The following SSR2 variants were observed in gnomAD, a reference collection of about 807,000 sequenced individuals.
SSR2 encodes the protein translocon-associated protein subunit beta.
In SSR2, 16 loss-of-function variants were observed where a neutral mutation model predicts 22.6. The observed-to-expected ratio is 0.71, with a 90% CI of 0.48 to 1.08. The LOEUF (loss-of-function observed/expected upper bound fraction) is 1.08. Among genes scored for constraint, SSR2 ranks in the 50% least tolerant of loss-of-function variants. The pLI, the probability that SSR2 is intolerant of heterozygous loss-of-function variation, is 0.00. For missense variants in SSR2, 171 were observed against 221.6 expected, an observed-to-expected ratio of 0.77 and a Z score of 1.45; for synonymous variants, 83 against 91.2, an observed-to-expected ratio of 0.91 and a Z score of 0.51.
rs773535812 is a variant in SSR2, at chr1:156,009,553, G to T, written c.539C>A (p.Thr180Lys). 1 of 1,612,672 alleles carries T rather than the reference G, an allele frequency of 6.2e-7. No individual in the cohort carries two copies. Among genetic ancestry groups the T allele is most frequent in the East Asian group, 2.2e-5 (1 of 44,858 alleles). The part of the protein sequence containing the change: ...SSKRKYDTPK[T>K]KKN The stretch of plus-strand genomic sequence containing the variant: ...TGGAAGCCCCAATCAGTTCTTCTTC[G>T]TTTTGGGAGTGTCATATTTCCTCTT... Residue 180 changes from threonine (T) to lysine (K), a missense_variant, in exon 6 of 6, where the codon ACG becomes AAG. Transcript: ENST00000295702.
rs767961254 is a variant in SSR2, at chr1:156,011,792, G to A, written c.441+18C>T. The A allele has an allele frequency of 6.2e-7, 1 of 1,607,032 alleles. No homozygotes were observed. Among genetic ancestry groups the A allele is most frequent in the African/African-American group, 1.3e-5 (1 of 74,790 alleles). The stretch of plus-strand genomic sequence containing the variant: ...CTCATACCAAGGAACTGATGAGAGA[G>A]AACACTAGAAAGCTTACAAAATGAG... On this transcript the variant is annotated intron_variant, in intron 5 of 5. Coordinates refer to ENST00000295702, the MANE Select transcript of SSR2 (RefSeq NM_003145.4).
rs2102719987 is a variant in SSR2, at chr1:156,009,459, C to T, written c.*81G>A. Reference sequence around the variant, plus strand: ...AGAGAAGAGATTGCATTTAAGATACCCTTTGGAGTCTGGAAAGCACCTGGA... The same window carrying T: ...AGAGAAGAGATTGCATTTAAGATACTCTTTGGAGTCTGGAAAGCACCTGGA... On this transcript the variant is annotated 3_prime_UTR_variant, in exon 6 of 6. Transcript: ENST00000295702. 1 of 1,072,896 alleles carries T rather than the reference C, an allele frequency of 9.3e-7. No individual in the cohort carries two copies. The highest frequency in any genetic ancestry group is 2.4e-5 in the East Asian group (1 of 42,176). The allele number at this position is 1,072,896 out of a possible 1,614,324, so 66.5% of individuals were successfully genotyped here.
rs2102722794 is a variant in SSR2, at chr1:156,015,071, T to G, written c.255-2A>C. The G allele has an allele frequency of 6.2e-7, 1 of 1,612,512 alleles. No individual in the cohort carries two copies. The highest frequency in any genetic ancestry group is 8.5e-7 in the Non-Finnish European group (1 of 1,178,718). ...ACAGTGTGGGAGACATTGCTAGCAC[T>G]GGCTCAAGAGTTAAGGAACGGAAAG... On this transcript the variant is annotated splice_acceptor_variant, in intron 3 of 5. Transcript: ENST00000295702. LOFTEE classifies it high-confidence loss of function.
chr1:156,012,177 A>G (rs1016674052), intron 4 of SSR2: 2 of 317,704 alleles, frequency 6.3e-6, no homozygotes, highest in South Asian at 3.8e-5. Flanking sequence ...ACTGAAATTA[A>G]AGCCAAATTC....
intron 3 of SSR2, among the ~76,000 whole-genome samples, chr1:156,015,303 C>A (rs2102722925): frequency 6.6e-6 from 1 of 151,256 alleles, no homozygotes; most frequent in Admixed American, 6.6e-5. Flanking sequence ...TTCAGGAGTT[C>A]GAGAACAGCC....
At chr1:156,012,387 A>C (rs1360412334) in intron 4 of SSR2, 3 of 364,140 alleles carry the variant, frequency 8.2e-6, no homozygotes, top group Non-Finnish European at 1.6e-5. Context: ...AGCCCTACCC[A>C]AATGTACATT....
At chr1:156,016,379 G>A (rs1175069539) in intron 3 of SSR2, among the ~76,000 whole-genome samples, 4 of 151,638 alleles carry the variant, frequency 2.6e-5, no homozygotes, top group East Asian at 2.0e-4. Flanking sequence ...AACTACAGGC[G>A]CCCGCCACCA....
chr1:156,015,698 G>C (rs914249816), intron 3 of SSR2, among the ~76,000 whole-genome samples: 57 of 149,944 alleles, frequency 3.8e-4, no homozygotes, highest in Middle Eastern at 3.4e-3. Context: ...AAAGTCCTGG[G>C]ATTACAGGCA....
rs755745341 is a variant in SSR2, at chr1:156,009,519, G to A, written c.*21C>T. On this transcript the variant is annotated 3_prime_UTR_variant, in exon 6 of 6. Transcript: ENST00000295702. ...AGAGGAGCCTGGATTTCTTGGGAGA[G>A]GAGGGCTGTGGAAGCCCCAATCAGT... The A allele has an allele frequency of 1.3e-6, 2 of 1,568,784 alleles. No individual in the cohort carries two copies.
At position 156,009,203 on chromosome 1, in the gene SSR2, G is replaced by C. The variant is rs1228511181; in HGVS notation, c.*337C>G. On this transcript the variant is annotated 3_prime_UTR_variant, in exon 6 of 6. Coordinates refer to ENST00000295702, the MANE Select transcript of SSR2 (RefSeq NM_003145.4). ...CAGGGGATAGGGGTGGTGTCAGGCA[G>C]TCTCCAAAATGCCCCTCCTAGACCC... The C allele has an allele frequency of 1.7e-5, 4 of 240,386 alleles. No homozygotes were observed. The highest frequency in any genetic ancestry group is 6.1e-5 in the Admixed American group (1 of 16,324). 14.9% of individuals were successfully genotyped at this position (240,386 alleles called of 1,614,324 possible).
At chr1:156,019,265 G>A in intron 2 of SSR2, 1 of 453,166 alleles carries the variant, frequency 2.2e-6, no homozygotes, top group Non-Finnish European at 4.4e-6. Context: ...TCATGTACAT[G>A]CCTATGTGTG....
chr1:156,011,672 G>A (rs2102721109), intron 5 of SSR2, 138 bp downstream of exon 5: 2 of 645,646 alleles, frequency 3.1e-6, no homozygotes, highest in South Asian at 2.0e-5. Context: ...TATTTGATGA[G>A]TATCTATATC....
chr1:156,011,979 A>C, intron 4 of SSR2, 92 bp from the exon 5 acceptor site: 1 of 891,612 alleles, frequency 1.1e-6, no homozygotes, highest in Non-Finnish European at 1.8e-6. Context: ...AACCAACCCA[A>C]CTCTATGCAT....
Position 156,020,025 on chromosome 1 carries a change from T to A in SSR2, c.143A>T (p.Asn48Ile). 1 of 1,613,712 alleles carries A rather than the reference T, an allele frequency of 6.2e-7. No homozygotes were observed. The highest frequency in any genetic ancestry group is 8.5e-7 in the Non-Finnish European group (1 of 1,179,782). ...GGCCTCGAGTTACCTTGAGCCAACA[T>A]TGTAGATGTTGTACTGCAAGGTCAG... ...RDLTLQYNIY[N>I]VGSSAALDVE... is the part of the protein sequence containing the mutation. Residue 48 changes from asparagine (N) to isoleucine (I), a missense_variant, in exon 2 of 6, where the codon AAT becomes ATT. Asn to Ile is a moderately radical substitution (Grantham distance 149). Transcript: ENST00000295702.
chr1:156,014,882 C>A, intron 4 of SSR2, 79 bp downstream of exon 4: 1 of 1,157,074 alleles, frequency 8.6e-7, no homozygotes. Flanking sequence ...TCTCTTCATC[C>A]CCCTCTTACC....
rs531175597 is a variant in SSR2, at chr1:156,016,076, G to A, written c.255-1007C>T. Among the ~76,000 whole-genome samples, 14 of 151,910 alleles carry A rather than the reference G, an allele frequency of 9.2e-5. No individual in the cohort carries two copies. In the South Asian group the frequency reaches 2.1e-3, roughly 23 times the overall value. ...TGAGGCTGGAGAATCGCTTGAACTC[G>A]GGAGCCAGAGGTTGCAGTGAGCCGA... is the stretch of plus-strand genomic sequence containing the variant. On this transcript the variant is annotated intron_variant, in intron 3 of 5. Transcript: ENST00000295702.
At chr1:156,009,749 C>A in intron 5 of SSR2, 99 bp from the exon 6 acceptor site, 2 of 729,282 alleles carry the variant, frequency 2.7e-6, no homozygotes, top group South Asian at 2.0e-5. Context: ...CAGTCTAGCC[C>A]AAATTTATTT....
At chr1:156,017,940 G>C (rs1683084370) in intron 3 of SSR2, among the ~76,000 whole-genome samples, 2 of 150,892 alleles carry the variant, frequency 1.3e-5, no homozygotes, top group Middle Eastern at 6.9e-3. Flanking sequence ...AATAGAGACA[G>C]GGTTTCACCA....
chr1:156,012,478 T>G (rs575439636), intron 4 of SSR2: 4 of 454,670 alleles, frequency 8.8e-6, no homozygotes, highest in South Asian at 6.2e-5. Flanking sequence ...TGCAAACAAC[T>G]TTATTCCAAA....
Sources: gnomAD v4.1 joint callset for allele counts (sites outside exome capture counted in the v4.1 genomes callset) on GRCh38, gnomAD v4.1.1 for gene constraint, MANE v1.5 for transcripts, NCBI Gene and HGNC (gene_info 2026-07-23, HGNC 2026-07-21) for gene names.